ITPR2: variants seen among roughly 807,000 people sequenced by gnomAD.
ITPR2 encodes inositol 1,4,5-trisphosphate receptor type 2.
In ITPR2, 207 loss-of-function variants were observed where a neutral mutation model predicts 317.1. The observed-to-expected ratio is 0.65, with a 90% CI of 0.58 to 0.73. The LOEUF is 0.73. Ranked by LOEUF, ITPR2 falls within the 30% of genes least tolerant of loss-of-function variation. ITPR2 has a pLI of 0.00. For synonymous variants in ITPR2, 1,156 were observed against 1,149.1 expected, an observed-to-expected ratio of 1.01 and a Z score of -0.12; for missense variants, 2,613 against 3,284.0, an observed-to-expected ratio of 0.80 and a Z score of 4.99.
intron 39 of ITPR2, among the ~76,000 whole-genome samples, chr12:26,491,842 G>A (rs915496579): frequency 2.0e-5 from 3 of 152,208 alleles, no homozygotes; most frequent in Non-Finnish European, 2.9e-5. Context: ...AGCAGTGCGT[G>A]TATGGAGAGC....
intron 55 of ITPR2, among the ~76,000 whole-genome samples, chr12:26,346,433 G>A (rs1373095606): frequency 6.6e-6 from 1 of 152,102 alleles, no homozygotes; most frequent in Non-Finnish European, 1.5e-5. Flanking sequence ...GACCAGCCTG[G>A]CCATCATGGT....
intron 30 of ITPR2, among the ~76,000 whole-genome samples, chr12:26,598,926 T>C (rs1035005938): frequency 2.0e-5 from 3 of 152,250 alleles, no homozygotes; most frequent in African/African-American, 7.2e-5. Flanking sequence ...AAATTCATTA[T>C]AGGTCAAAAA....
Position 26,657,825 on chromosome 12 carries a change from C to G in ITPR2, c.2074G>C (p.Glu692Gln), listed in dbSNP as rs765343794. 3 of 1,614,062 alleles carry G rather than the reference C, an allele frequency of 1.9e-6. No individual in the cohort carries two copies. The South Asian group carries it at 3.3e-5, about 18-fold the overall frequency. ...SILSDDIDDEEVWLYWIDSNK... is the reference protein window; with the variant it reads ...SILSDDIDDEQVWLYWIDSNK... ...CTGTCAATCCAATAGAGCCAAACTT[C>G]TTCATCATCAATGTCATCTGAAAGG... Residue 692 changes from glutamate (E) to glutamine (Q), a missense_variant, in exon 18 of 57, where the codon GAA (glutamate) becomes CAA (glutamine). Transcript: ENST00000381340.
At chr12:26,794,014 C>T (rs1052220819) in intron 1 of ITPR2, among the ~76,000 whole-genome samples, 3 of 152,094 alleles carry the variant, frequency 2.0e-5, no homozygotes, top group Non-Finnish European at 2.9e-5. Context: ...GCCTAAAATT[C>T]TCAATTTTTT....
At chr12:26,612,037 G>A (rs541378996) in intron 26 of ITPR2, among the ~76,000 whole-genome samples, 10 of 152,276 alleles carry the variant, frequency 6.6e-5, no homozygotes, top group African/African-American at 2.2e-4. Context: ...GGGACGCAAT[G>A]GGCTTAATAG....
In ITPR2 at chr12:26,587,996, A is replaced by G. The variant is rs192628672; in HGVS notation, c.4380+7469T>C. 4.9e-4 allele frequency among the ~76,000 whole-genome samples: 74 copies of G among 152,304 alleles called. 1 individual carries two copies. The highest frequency in any genetic ancestry group is 1.8e-3 in the African/African-American group (74 of 41,548). On this transcript the variant is annotated intron_variant, in intron 32 of 56. Transcript: ENST00000381340. The stretch of plus-strand genomic sequence containing the variant: ...TGGATTTTGGGTAGAAGAAAATAAG[A>G]TTTACAGATGGCACCAAAATGGTTT...
Position 26,811,308 on chromosome 12 carries a change from C to G in ITPR2, c.93-21081G>C, listed in dbSNP as rs567430329. 1.2e-3 allele frequency among the ~76,000 whole-genome samples: 176 copies of G among 152,336 alleles called. 1 individual carries two copies. Among genetic ancestry groups the G allele is most frequent in the Non-Finnish European group, 2.0e-3 (136 of 68,030 alleles). ...TCACTGCTGAAGAGGAAACGTTGTT[C>G]TGCTTTTCAAAGTATAGAAACCTAG... On this transcript the variant is annotated intron_variant, in intron 1 of 56. Coordinates refer to ENST00000381340, the MANE Select transcript of ITPR2 (RefSeq NM_002223.4).
chr12:26,684,231 T>A (rs973208404), intron 11 of ITPR2, among the ~76,000 whole-genome samples: 5 of 152,220 alleles, frequency 3.3e-5, no homozygotes, highest in African/African-American at 9.6e-5. Flanking sequence ...TAGTATAGAA[T>A]AAAGTTTAAG....
chr12:26,411,528 T>C lies in ITPR2; in HGVS notation c.7307-116A>G, dbSNP rs1186878190. ...GCATTCATACTCCAACTTAGCTGTG[T>C]TCCTAAAGTCCTAGGAAGTTAGTAT... On this transcript the variant is annotated intron_variant, in intron 51 of 56. Coordinates refer to ENST00000381340, the MANE Select transcript of ITPR2 (RefSeq NM_002223.4). 2.5e-5 allele frequency: 17 copies of C among 683,380 alleles called. No individual in the cohort carries two copies. The East Asian group carries it at 4.8e-4, about 19-fold the overall frequency. The allele number at this position is 683,380 out of a possible 1,614,324, so 42.3% of individuals were successfully genotyped here.
At chr12:26,517,706 T>C (rs1943561742) in intron 37 of ITPR2, among the ~76,000 whole-genome samples, 1 of 152,008 alleles carries the variant, frequency 6.6e-6, no homozygotes, top group Non-Finnish European at 1.5e-5. Flanking sequence ...GACATGGTGG[T>C]GCCTGCCTGT....
intron 26 of ITPR2, among the ~76,000 whole-genome samples, chr12:26,615,007 C>T (rs1030143517): frequency 3.3e-5 from 5 of 152,140 alleles, no homozygotes; most frequent in African/African-American, 1.2e-4. Flanking sequence ...ATGTACCACA[C>T]TTATTCTAGA....
chr12:26,796,801 G>C (rs1045733052), intron 1 of ITPR2, among the ~76,000 whole-genome samples: 2 of 151,952 alleles, frequency 1.3e-5, no homozygotes, highest in Non-Finnish European at 2.9e-5. Flanking sequence ...AGGCTGAGGC[G>C]GGTGGATTGC....
chr12:26,710,186 C>T (rs1007987831), intron 9 of ITPR2, among the ~76,000 whole-genome samples: 6 of 152,204 alleles, frequency 3.9e-5, no homozygotes, highest in Non-Finnish European at 5.9e-5. Context: ...TGCATCACGG[C>T]ACTCCAGCCT....
At position 26,721,876 on chromosome 12, in the gene ITPR2, A is replaced by G. The variant is rs954463505; in HGVS notation, c.525+521T>C. ...GTGATTCTCCTGCCTCAGTGCCCCA[A>G]CTAGTCCACAACATATTGTAAACAT... On this transcript the variant is annotated intron_variant, in intron 5 of 56. Transcript: ENST00000381340. 5.3e-5 allele frequency among the ~76,000 whole-genome samples: 8 copies of G among 152,138 alleles called. No individual in the cohort carries two copies. In the South Asian group the frequency reaches 1.7e-3, roughly 32 times the overall value.
At chr12:26,462,841 T>C (rs1942071318) in intron 45 of ITPR2, among the ~76,000 whole-genome samples, 1 of 151,070 alleles carries the variant, frequency 6.6e-6, no homozygotes, top group Admixed American at 6.6e-5. Context: ...CTGGCTAATT[T>C]TTGTATATTT....
At chr12:26,652,311 G>A (rs969697465) in intron 21 of ITPR2, among the ~76,000 whole-genome samples, 1 of 152,154 alleles carries the variant, frequency 6.6e-6, no homozygotes, top group Non-Finnish European at 1.5e-5. Context: ...GATTTCTGTG[G>A]TTCAATTGGC....
intron 51 of ITPR2, among the ~76,000 whole-genome samples, chr12:26,414,050 T>TACACACACACACACACACACACACACAC (rs777855580): frequency 7.2e-6 from 1 of 138,112 alleles, no homozygotes; most frequent in African/African-American, 2.8e-5. Context: ...TGTATATATG[T>TACACACACACACACACACACACACACAC]ACACACACAC....
intron 55 of ITPR2, among the ~76,000 whole-genome samples, chr12:26,348,952 A>G (rs1302458244): frequency 2.0e-5 from 3 of 152,230 alleles, no homozygotes; most frequent in Non-Finnish European, 2.9e-5. Flanking sequence ...CCTATAGTCC[A>G]TCTTGGTCAA....
At chr12:26,417,892 A>G (rs2880783) in intron 50 of ITPR2, among the ~76,000 whole-genome samples, 1 of 152,100 alleles carries the variant, frequency 6.6e-6, no homozygotes, top group Admixed American at 6.5e-5. Flanking sequence ...AAATTATAGA[A>G]TATTACATGT....
Sources: gnomAD v4.1 joint callset for allele counts (sites outside exome capture counted in the v4.1 genomes callset) on GRCh38, gnomAD v4.1.1 for gene constraint, MANE v1.5 for transcripts, NCBI Gene and HGNC (gene_info 2026-07-23, HGNC 2026-07-21) for gene names.